The following LRRC34 variants were observed in gnomAD, a reference collection of about 807,000 sequenced individuals.
LRRC34 encodes the protein leucine rich repeat containing 34.
Under a neutral mutation model 48.5 loss-of-function variants are expected in LRRC34, and 44 were observed. The observed-to-expected ratio is 0.91, with a 90% CI of 0.71 to 1.17. The LOEUF (loss-of-function observed/expected upper bound fraction) is 1.17. LRRC34 is among the 50% of genes most tolerant of loss of function. The probability of loss-of-function intolerance (pLI) is 0.00; values close to 1 mark genes in which losing one functional copy is unlikely to be tolerated. For missense variants in LRRC34, 502 were observed against 563.0 expected, an observed-to-expected ratio of 0.89 and a Z score of 1.10; for synonymous variants, 192 against 197.6, an observed-to-expected ratio of 0.97 and a Z score of 0.24.
chr3:169,800,852 G>GT, intron 6 of LRRC34, 98 bp from the exon 7 acceptor site: 1 of 793,462 alleles, frequency 1.3e-6, no homozygotes, highest in South Asian at 1.8e-5. Context: ...TGATAAAATT[G>GT]TTTTTAAAAT....
chr3:169,803,961 A>G (rs1277466638), intron 6 of LRRC34, 92 bp downstream of exon 6: 2 of 1,270,654 alleles, frequency 1.6e-6, no homozygotes, highest in Admixed American at 2.8e-5. Flanking sequence ...TATTAGACAT[A>G]AGAGGCAAAA....
At chr3:169,801,613 C>G (rs1779196326) in intron 6 of LRRC34, among the ~76,000 whole-genome samples, 1 of 152,154 alleles carries the variant, frequency 6.6e-6, no homozygotes, top group Admixed American at 6.6e-5. Flanking sequence ...ACCTGTGACC[C>G]ACAACCCACA....
chr3:169,811,921 G>A (rs1331437065), intron 1 of LRRC34, among the ~76,000 whole-genome samples: 1 of 152,144 alleles, frequency 6.6e-6, no homozygotes, highest in Non-Finnish European at 1.5e-5. Context: ...GGCGGGTAGG[G>A]GGTGGCCGTT....
rs748791827 is a variant in LRRC34, at chr3:169,812,480, C to T, written c.69G>A (p.Ala23=). ...AGGCCCAAGCCGGGGACCTGGCCGG[C>T]GCACGGGCGGCCTCCCGGGAGCTCC... ...SMGSSREAAR[A]PARSPAWAST... is the part of the protein sequence containing the mutation. Residue 23 remains alanine (A), a synonymous_variant, in exon 1 of 11, where the codon GCG becomes GCA. Coordinates refer to ENST00000446859, the MANE Select transcript of LRRC34 (RefSeq NM_001172779.2). This position sits in a 1 kb window ranked among gnomAD's most constrained non-coding sequence, Gnocchi z 4.3. 2.0e-6 allele frequency: 3 copies of T among 1,528,470 alleles called. No individual in the cohort carries two copies. Among genetic ancestry groups the T allele is most frequent in the East Asian group, 2.5e-5 (1 of 39,824 alleles). 94.7% of individuals were successfully genotyped at this position (1,528,470 alleles called of 1,614,324 possible). A position where few individuals can be genotyped will look rare whatever the true frequency, so the allele number is the denominator to read the frequency against.
chr3:169,798,111 T>TA (rs1779062234), intron 7 of LRRC34, among the ~76,000 whole-genome samples: 1 of 152,102 alleles, frequency 6.6e-6, no homozygotes, highest in East Asian at 1.9e-4. Flanking sequence ...TCTAGGAACG[T>TA]AAAAAAATGC....
rs1017793022 is a variant in LRRC34 at position 169,808,485 on chromosome 3, GTACT to G, written c.257+139_257+142del. 9 of 562,428 alleles carry G rather than the reference GTACT, an allele frequency of 1.6e-5. No homozygotes were observed. In the African/African-American group the frequency reaches 1.7e-4, roughly 11 times the overall value. 34.8% of individuals were successfully genotyped at this position (562,428 alleles called of 1,614,324 possible). A position where few individuals can be genotyped will look rare whatever the true frequency, so the allele number is the denominator to read the frequency against. On this transcript the variant is annotated intron_variant, in intron 2 of 10. Transcript: ENST00000446859. ...AAGACCTACTAACAGTGTTGCTCGT[GTACT>G]TACTTACCTGAATCAAATGGTATGT...
chr3:169,794,045 G>A (rs942833256), intron 10 of LRRC34: 2 of 442,712 alleles, frequency 4.5e-6, no homozygotes, highest in African/African-American at 4.0e-5. Flanking sequence ...TTATAATATT[G>A]CAAAACTTAT....
rs114997771 is a variant in LRRC34 at position 169,805,399 on chromosome 3, A to G, written c.529-1218T>C. On this transcript the variant is annotated intron_variant, in intron 5 of 10. Coordinates refer to ENST00000446859, the MANE Select transcript of LRRC34 (RefSeq NM_001172779.2). ...AATTAAGAACAACAGTTCCACTTAC[A>G]ATAGCATAAAAAAAAGTTAGGAATA... is the stretch of plus-strand genomic sequence containing the variant. 2.1e-3 allele frequency among the ~76,000 whole-genome samples: 323 copies of G among 152,258 alleles called. 1 individual carries two copies. The highest frequency in any genetic ancestry group is 0.014 in the Middle Eastern group (4 of 292).
At chr3:169,798,874 C>T (rs1474517279) in intron 7 of LRRC34, among the ~76,000 whole-genome samples, 1 of 152,156 alleles carries the variant, frequency 6.6e-6, no homozygotes, top group Admixed American at 6.5e-5. Context: ...ATATCACTCT[C>T]CAGACTTGTC....
intron 7 of LRRC34, among the ~76,000 whole-genome samples, chr3:169,799,916 T>C (rs1252971759): frequency 6.6e-6 from 1 of 152,134 alleles, no homozygotes; most frequent in Non-Finnish European, 1.5e-5. Context: ...TTTTGCCATG[T>C]TGGCCAGGCT....
chr3:169,812,643 G>C lies in LRRC34; in HGVS notation c.-95C>G. 1.4e-6 allele frequency: 2 copies of C among 1,394,648 alleles called. No individual in the cohort carries two copies. The highest frequency in any genetic ancestry group is 2.0e-4 in the Middle Eastern group (1 of 5,028). 86.4% of individuals were successfully genotyped at this position (1,394,648 alleles called of 1,614,324 possible). A position where few individuals can be genotyped will look rare whatever the true frequency, so the allele number is the denominator to read the frequency against. Reference sequence around the variant, plus strand: ...GCTTCGAGTCCCGCTGGCTGTGCCTGCCCGGGCCCTGAGGCCTCACTGCTA... The same window carrying C: ...GCTTCGAGTCCCGCTGGCTGTGCCTCCCCGGGCCCTGAGGCCTCACTGCTA... On this transcript the variant is annotated 5_prime_UTR_variant, in exon 1 of 11. Transcript: ENST00000446859. The surrounding 1 kb of genome is among the most constrained non-coding windows in gnomAD (Gnocchi z 4.3).
rs746895981 is a variant in LRRC34, at chr3:169,807,602, C to T, written c.365G>A (p.Cys122Tyr). 18 of 1,608,920 alleles carry T rather than the reference C, an allele frequency of 1.1e-5. No homozygotes were observed. Among genetic ancestry groups the T allele is most frequent in the Non-Finnish European group, 1.4e-5 (17 of 1,178,190 alleles). The change falls in exon 3 of 11, where the codon TGT becomes TAT. Residue 122 changes from cysteine (C) to tyrosine (Y), a missense_variant. Cys to Tyr is a radical substitution (Grantham distance 194). Coordinates refer to ENST00000446859, the MANE Select transcript of LRRC34 (RefSeq NM_001172779.2). ...TGGAAACATACCATTAATATACAGA[C>T]AATTCTTTAAAATTTTGGAAAGAAT... is the stretch of plus-strand genomic sequence containing the variant. ...FWILSKILKNCLYINGLDVGY... is the reference protein window; with the variant it reads ...FWILSKILKNYLYINGLDVGY...
At chr3:169,796,086 T>G (rs1778976183) in intron 9 of LRRC34, 128 bp downstream of exon 9, 1 of 1,355,194 alleles carries the variant, frequency 7.4e-7, no homozygotes. Flanking sequence ...TTACTGTAAC[T>G]TAATACTATG....
In LRRC34 at chr3:169,812,569, C is replaced by A. The variant is rs1434158072; in HGVS notation, c.-21G>T. 1 of 1,464,414 alleles carries A rather than the reference C, an allele frequency of 6.8e-7. No individual in the cohort carries two copies. Among genetic ancestry groups the A allele is most frequent in the Non-Finnish European group, 9.0e-7 (1 of 1,115,148 alleles). 90.7% of individuals were successfully genotyped at this position (1,464,414 alleles called of 1,614,324 possible). A position where few individuals can be genotyped will look rare whatever the true frequency, so the allele number is the denominator to read the frequency against. ...GCCATGGCGACCGCGCGCGCACTTACAGTCCGCCTGCAGCTGTGAGGCGGC... is the reference window on the plus strand; with the variant it reads ...GCCATGGCGACCGCGCGCGCACTTAAAGTCCGCCTGCAGCTGTGAGGCGGC... On this transcript the variant is annotated 5_prime_UTR_variant, in exon 1 of 11. Transcript: ENST00000446859. The surrounding 1 kb of genome is among the most constrained non-coding windows in gnomAD (Gnocchi z 4.3).
chr3:169,796,707 T>C, intron 8 of LRRC34, 38 bp downstream of exon 8: 1 of 1,568,802 alleles, frequency 6.4e-7, no homozygotes, highest in African/African-American at 1.4e-5. Flanking sequence ...ATTCCCATTA[T>C]TTAACTTTGA....
In LRRC34 at chr3:169,812,735, A is replaced by AG. The variant is rs767176430; in HGVS notation, c.-188dup. 168 of 829,738 alleles carry AG rather than the reference A, an allele frequency of 2.0e-4. No homozygotes were observed. The highest frequency in any genetic ancestry group is 2.2e-4 in the Non-Finnish European group (127 of 583,886). The allele number at this position is 829,738 out of a possible 1,614,324, so 51.4% of individuals were successfully genotyped here. ...GCCCTGGTTAAAGGCAGCCTGAGGG[A>AG]GGGCGTCCTGGCTCCTTTGCAGGGA... On this transcript the variant is annotated 5_prime_UTR_variant, in exon 1 of 11. It removes the in-frame stop codon of an upstream open reading frame in the 5' UTR. Coordinates refer to ENST00000446859, the MANE Select transcript of LRRC34 (RefSeq NM_001172779.2). The surrounding 1 kb of genome is among the most constrained non-coding windows in gnomAD (Gnocchi z 4.3).
chr3:169,803,377 G>A (rs1449622063), intron 6 of LRRC34, among the ~76,000 whole-genome samples: 1 of 152,182 alleles, frequency 6.6e-6, no homozygotes, highest in Non-Finnish European at 1.5e-5. Flanking sequence ...ATGTCGCCCA[G>A]CTTCAGAGCA....
chr3:169,802,978 CA>C (rs762946094), intron 6 of LRRC34, among the ~76,000 whole-genome samples: 212 of 136,230 alleles, frequency 1.6e-3, no homozygotes, highest in Admixed American at 2.1e-3. Context: ...ACTCTGTCTC[CA>C]AAAAAAAAAA....
chr3:169,794,815 A>G (rs903623130), intron 10 of LRRC34: 3 of 152,238 alleles, frequency 2.0e-5, no homozygotes, highest in Non-Finnish European at 2.9e-5. Context: ...TTAAAAGTCA[A>G]GTTGGTTTTT....
Sources: gnomAD v4.1 joint callset for allele counts (sites outside exome capture counted in the v4.1 genomes callset) on GRCh38, gnomAD v4.1.1 for gene constraint, Gnocchi (gnomAD v3.1) non-coding constraint, MANE v1.5 for transcripts, NCBI Gene and HGNC (gene_info 2026-07-23, HGNC 2026-07-21) for gene names.